Variants in GLS observed in about 807,000 individuals in gnomAD.
GLS encodes the protein glutaminase.
GLS carries 36 observed loss-of-function variants against 86.7 expected under a neutral mutation model. The ratio of observed to expected loss-of-function variants is 0.42; its 90% confidence interval spans 0.32 to 0.55. GLS has a LOEUF of 0.55. Ranked by LOEUF, GLS falls within the 20% of genes least tolerant of loss-of-function variation. GLS has a pLI of 0.17. For missense variants in GLS, 528 were observed against 833.4 expected (o/e 0.63, Z 4.51); for synonymous variants, 317 against 305.9 (o/e 1.04, Z -0.38).
chr2:190,910,128 GATAAAA>G, intron 6 of GLS, 129 bp from the exon 7 acceptor site: 1 of 565,640 alleles, frequency 1.8e-6, no homozygotes, highest in Non-Finnish European at 3.2e-6. Flanking sequence ...TGTATATAAA[GATAAAA>G]ATAAAGCACT....
Position 190,964,666 on chromosome 2 carries a change from CTGAG to C in GLS, c.*1685_*1688del, listed in dbSNP as rs1031980912. ...TGCTTGAGCTTCCATGGGGAGGATG[CTGAG>C]TGAGCAGTTTCCTACCCCGTGGATC... is the stretch of plus-strand genomic sequence containing the variant. On this transcript the variant is annotated 3_prime_UTR_variant, in exon 18 of 18. Transcript: ENST00000320717. This position sits in a 1 kb window ranked among gnomAD's most constrained non-coding sequence, Gnocchi z 5.2. 14 of 152,116 alleles carry C rather than the reference CTGAG, an allele frequency of 9.2e-5. No homozygotes were observed. The highest frequency in any genetic ancestry group is 9.2e-4 in the Admixed American group (14 of 15,238). 9.4% of individuals were successfully genotyped at this position (152,116 alleles called of 1,614,324 possible).
chr2:190,892,836 A>G (rs752979596), intron 1 of GLS, among the ~76,000 whole-genome samples: 5 of 152,136 alleles, frequency 3.3e-5, no homozygotes, highest in African/African-American at 1.2e-4. Context: ...TCTTTCCCCT[A>G]TAGATAAAAA....
chr2:190,900,452 A>G (rs1688899366), intron 3 of GLS, 112 bp from the exon 4 acceptor site: 2 of 501,934 alleles, frequency 4.0e-6, no homozygotes, highest in Non-Finnish European at 6.8e-6. Context: ...TTAGTTGTAT[A>G]AAATGATAAA....
At chr2:190,945,508 CAAAG>C (rs774227090) in intron 14 of GLS, among the ~76,000 whole-genome samples, 4 of 151,546 alleles carry the variant, frequency 2.6e-5, no homozygotes, top group Non-Finnish European at 5.9e-5. Flanking sequence ...AAAAAAATAA[CAAAG>C]AAATCATCCA....
At chr2:190,942,100 G>A (rs1455355865) in intron 14 of GLS, among the ~76,000 whole-genome samples, 1 of 22,840 alleles carries the variant, frequency 4.4e-5, no homozygotes, top group African/African-American at 8.1e-5. Context: ...TTTTTTTTGA[G>A]ACGGAGTCTT....
chr2:190,882,369 CAA>C (rs1688232795), intron 1 of GLS, among the ~76,000 whole-genome samples: 1 of 152,170 alleles, frequency 6.6e-6, no homozygotes, highest in South Asian at 2.1e-4. Flanking sequence ...TTTTCTTAAA[CAA>C]TATGCAAAGC....
intron 7 of GLS, chr2:190,919,504 A>G (rs1689665267): frequency 1.3e-5 from 2 of 152,414 alleles, no homozygotes; most frequent in Admixed American, 1.3e-4. Flanking sequence ...TTGTTTAACC[A>G]GTAATTATCC....
chr2:190,900,478 AAT>A (rs1329107097), intron 3 of GLS, 84 bp from the exon 4 acceptor site: 4 of 599,972 alleles, frequency 6.7e-6, no homozygotes, highest in Non-Finnish European at 5.6e-6. Context: ...CTATTATTTA[AAT>A]AGTGTCCTAA....
chr2:190,938,545 T>C lies in GLS; in HGVS notation c.1650+6908T>C, dbSNP rs1574611527. On this transcript the variant is annotated intron_variant, in intron 14 of 17. Coordinates refer to ENST00000320717, the MANE Select transcript of GLS (RefSeq NM_014905.5). The surrounding 1 kb of genome is among the most constrained non-coding windows in gnomAD (Gnocchi z 4.1). The stretch of plus-strand genomic sequence containing the variant: ...CACAGATTTGAATTTGAAAGTAATC[T>C]TAAATGTTACCTGGTACAGACTCCC... 6.6e-6 allele frequency among the ~76,000 whole-genome samples: 1 copy of C among 151,646 alleles called. No homozygotes were observed. The highest frequency in any genetic ancestry group is 6.6e-5 in the Admixed American group (1 of 15,220).
chr2:190,905,152 T>C lies in GLS; in HGVS notation c.964T>C (p.Phe322Leu). ...GAGTGGACTAAGATTCAACAAACTA[T>C]TTTTGAATGAAGATGGTAAGAATTA... ...EPSGLRFNKL[F>L]LNEDDKPHNP... Residue 322 changes from phenylalanine (F) to leucine (L), a missense_variant, in exon 6 of 18, where the codon TTT becomes CTT. Coordinates refer to ENST00000320717, the MANE Select transcript of GLS (RefSeq NM_014905.5). This position sits in a 1 kb window ranked among gnomAD's most constrained non-coding sequence, Gnocchi z 4.6. The C allele has an allele frequency of 6.3e-7, 1 of 1,592,714 alleles. No individual in the cohort carries two copies. Among genetic ancestry groups the C allele is most frequent in the Non-Finnish European group, 8.6e-7 (1 of 1,164,480 alleles).
chr2:190,903,546 A>G (rs1689026007), intron 5 of GLS, among the ~76,000 whole-genome samples: 1 of 152,198 alleles, frequency 6.6e-6, no homozygotes, highest in Admixed American at 6.5e-5. Flanking sequence ...CATTTTAGGA[A>G]ATAATTTATC....
chr2:190,910,990 A>T lies in GLS; in HGVS notation c.1038+669A>T, dbSNP rs567641164. On this transcript the variant is annotated intron_variant, in intron 7 of 17. Transcript: ENST00000320717. ...AATAATTGGAAGATCTAGTATTTTAAAATAAGTATTTGAAAATGGTTCCTG... is the reference window on the plus strand; with the variant it reads ...AATAATTGGAAGATCTAGTATTTTATAATAAGTATTTGAAAATGGTTCCTG... 3.3e-5 allele frequency among the ~76,000 whole-genome samples: 5 copies of T among 150,962 alleles called. No individual in the cohort carries two copies. The East Asian group carries it at 9.7e-4, about 29-fold the overall frequency.
intron 1 of GLS, among the ~76,000 whole-genome samples, chr2:190,885,825 GTGA>G (rs1688360410): frequency 6.6e-6 from 1 of 150,530 alleles, no homozygotes; most frequent in South Asian, 2.1e-4. Context: ...TTTTTTCTAG[GTGA>G]TGATTATCAG....
chr2:190,954,730 T>C lies in GLS; in HGVS notation c.1790-25T>C. 1 of 1,606,882 alleles carries C rather than the reference T, an allele frequency of 6.2e-7. No individual in the cohort carries two copies. Among genetic ancestry groups the C allele is most frequent in the South Asian group, 1.1e-5 (1 of 91,052 alleles). Reference sequence around the variant, plus strand: ...TTCTACTTAGTACTAAAATCTGCTCTTTTTTTGGGGGTGGGACGGTATAGG... The same window carrying C: ...TTCTACTTAGTACTAAAATCTGCTCCTTTTTTGGGGGTGGGACGGTATAGG... On this transcript the variant is annotated intron_variant, in intron 16 of 17. Transcript: ENST00000320717. This position sits in a 1 kb window ranked among gnomAD's most constrained non-coding sequence, Gnocchi z 4.0.
rs548555866 is a variant in GLS at position 190,897,363 on chromosome 2, A to G, written c.605+1638A>G. 3.9e-5 allele frequency among the ~76,000 whole-genome samples: 6 copies of G among 152,336 alleles called. No individual in the cohort carries two copies. Among genetic ancestry groups the G allele is most frequent in the Non-Finnish European group, 8.8e-5 (6 of 68,010 alleles). On this transcript the variant is annotated intron_variant, in intron 3 of 17. Coordinates refer to ENST00000320717, the MANE Select transcript of GLS (RefSeq NM_014905.5). The surrounding 1 kb of genome is among the most constrained non-coding windows in gnomAD (Gnocchi z 4.3). ...GTTATGTTTAAATATGAAATTAAAA[A>G]CAATTTAAATCCTCTGATTATTAAG...
At chr2:190,886,840 C>T (rs1688397478) in intron 1 of GLS, among the ~76,000 whole-genome samples, 1 of 151,258 alleles carries the variant, frequency 6.6e-6, no homozygotes, top group Non-Finnish European at 1.5e-5. Context: ...CGCTTGAACC[C>T]AGGAGGTGGA....
chr2:190,957,525 G>A (rs1033041840), intron 17 of GLS, among the ~76,000 whole-genome samples: 1 of 152,200 alleles, frequency 6.6e-6, no homozygotes, highest in Non-Finnish European at 1.5e-5. Context: ...TGCCCATTCA[G>A]TATGATATTG....
In GLS at chr2:190,935,976, C is replaced by T. The variant is rs1336044576; in HGVS notation, c.1650+4339C>T. On this transcript the variant is annotated intron_variant, in intron 14 of 17. Transcript: ENST00000320717. This position sits in a 1 kb window ranked among gnomAD's most constrained non-coding sequence, Gnocchi z 4.2. ...TTTAATTAAATCTGCCATTCATATTCTGGAGATTCCTGAATATATTGTAGA... is the reference window on the plus strand; with the variant it reads ...TTTAATTAAATCTGCCATTCATATTTTGGAGATTCCTGAATATATTGTAGA... Among the ~76,000 whole-genome samples the T allele has an allele frequency of 6.6e-6, 1 of 151,072 alleles. No homozygotes were observed.
In GLS at chr2:190,962,906, G is replaced by A; in HGVS notation, c.1930G>A (p.Val644Ile). ...ATTTAAAATTCTCCAAGAATACCAA[G>A]TCCAGTACACACCTCAAGGAGATTC... ...DVFKILQEYQ[V>I]QYTPQGDSDN... Residue 644 changes from valine (V) to isoleucine (I), a missense_variant, in exon 18 of 18, where the codon GTC becomes ATC. This residue lies in a region of GLS where 30 missense variants were observed against 36.9 expected (regional missense o/e 0.81). Transcript: ENST00000320717. This position sits in a 1 kb window ranked among gnomAD's most constrained non-coding sequence, Gnocchi z 4.2. 1.0e-5 allele frequency: 16 copies of A among 1,606,866 alleles called. No homozygotes were observed. Among genetic ancestry groups the A allele is most frequent in the Non-Finnish European group, 1.4e-5 (16 of 1,176,476 alleles).
Sources: gnomAD v4.1 joint callset for allele counts (sites outside exome capture counted in the v4.1 genomes callset) on GRCh38, gnomAD v4.1.1 for gene constraint, gnomAD v4.1.1 regional missense constraint, Gnocchi (gnomAD v3.1) non-coding constraint, MANE v1.5 for transcripts, NCBI Gene and HGNC (gene_info 2026-07-23, HGNC 2026-07-21) for gene names.